TRAPPC10: variants seen among roughly 807,000 people sequenced by gnomAD.
TRAPPC10 encodes the protein TRAPP 130 kDa subunit.
A neutral mutation model predicts 125.5 loss-of-function variants in TRAPPC10; 23 were observed. That is an observed-to-expected ratio of 0.18 (90% CI 0.13 to 0.26). The LOEUF (loss-of-function observed/expected upper bound fraction) is 0.26. Ranked by LOEUF, TRAPPC10 falls within the 10% of genes least tolerant of loss-of-function variation. The pLI, the probability that TRAPPC10 is intolerant of heterozygous loss-of-function variation, is 1.00. For missense variants in TRAPPC10, 1,123 were observed against 1,308.4 expected (o/e 0.86, Z 2.19); for synonymous variants, 509 against 518.0 (o/e 0.98, Z 0.24).
intron 7 of TRAPPC10, among the ~76,000 whole-genome samples, chr21:44,064,646 G>T (rs1159534569): frequency 6.6e-6 from 1 of 152,122 alleles, no homozygotes; most frequent in Non-Finnish European, 1.5e-5. Context: ...AAGTGATTAG[G>T]TCTGAAGAGT....
chr21:44,050,866 TA>T (rs2035186191), intron 3 of TRAPPC10, among the ~76,000 whole-genome samples: 1 of 152,248 alleles, frequency 6.6e-6, no homozygotes. Flanking sequence ...TCTATTTAGT[TA>T]GTTAAACCAA....
chr21:44,061,621 AC>A (rs2036066365), intron 6 of TRAPPC10, among the ~76,000 whole-genome samples: 1 of 152,216 alleles, frequency 6.6e-6, no homozygotes, highest in African/African-American at 2.4e-5. Context: ...TTAGCAAAAA[AC>A]GTTTGAATTT....
intron 3 of TRAPPC10, among the ~76,000 whole-genome samples, chr21:44,049,719 G>C (rs1194685284): frequency 1.3e-5 from 2 of 152,166 alleles, no homozygotes; most frequent in Non-Finnish European, 2.9e-5. Flanking sequence ...GGGGCGGCCT[G>C]CTGTGCTTGC....
intron 3 of TRAPPC10, among the ~76,000 whole-genome samples, chr21:44,041,846 A>T (rs1170064017): frequency 6.6e-6 from 1 of 150,476 alleles, no homozygotes; most frequent in Non-Finnish European, 1.5e-5. Flanking sequence ...TCTGCCTCAG[A>T]CTCCCAGTAG....
At chr21:44,074,704 AC>A (rs2037145143) in intron 8 of TRAPPC10, among the ~76,000 whole-genome samples, 1 of 152,220 alleles carries the variant, frequency 6.6e-6, no homozygotes, top group African/African-American at 2.4e-5. Flanking sequence ...TTGACTCTGT[AC>A]CCTGAGTCGG....
At chr21:44,066,380 A>G (rs2036452608) in intron 7 of TRAPPC10, among the ~76,000 whole-genome samples, 1 of 151,936 alleles carries the variant, frequency 6.6e-6, no homozygotes, top group African/African-American at 2.4e-5. Flanking sequence ...AGCCTTGCGC[A>G]CTCCCTTAAT....
intron 3 of TRAPPC10, among the ~76,000 whole-genome samples, chr21:44,038,306 A>T (rs1258895346): frequency 6.6e-6 from 1 of 151,942 alleles, no homozygotes; most frequent in African/African-American, 2.4e-5. Flanking sequence ...GAGCTGTCTC[A>T]CTGTGCCCCA....
In TRAPPC10 at chr21:44,087,136, T is replaced by G. The variant is rs1032822388; in HGVS notation, c.2539+176T>G. On this transcript the variant is annotated intron_variant, in intron 16 of 22. Transcript: ENST00000291574. This position sits in a 1 kb window ranked among gnomAD's most constrained non-coding sequence, Gnocchi z 4.6. ...GCCTGTGCTGGGGTCCCATCTGAGG[T>G]GATAAACTGAGAGTGGTTCACACGC... is the stretch of plus-strand genomic sequence containing the variant. Among the ~76,000 whole-genome samples the G allele has an allele frequency of 3.9e-5, 6 of 151,990 alleles. No individual in the cohort carries two copies. The highest frequency in any genetic ancestry group is 1.5e-4 in the African/African-American group (6 of 41,376).
At chr21:44,085,553 G>A (rs978958293) in intron 15 of TRAPPC10, among the ~76,000 whole-genome samples, 4 of 152,096 alleles carry the variant, frequency 2.6e-5, no homozygotes, top group Non-Finnish European at 4.4e-5. Flanking sequence ...TTAGCTGGGT[G>A]TAGTCGTGCG....
Position 44,047,110 on chromosome 21 carries a change from A to T in TRAPPC10, c.286-5170A>T, listed in dbSNP as rs569125339. ...CTAATCAGACCCATGGCGAGATCCC[A>T]CCACCTACTCCTTCGGCGCACTGTG... is the stretch of plus-strand genomic sequence containing the variant. On this transcript the variant is annotated intron_variant, in intron 3 of 22. Transcript: ENST00000291574. 1.1e-4 allele frequency: 64 copies of T among 602,478 alleles called. No individual in the cohort carries two copies. The East Asian group carries it at 2.2e-3, about 21-fold the overall frequency. 37.3% of individuals were successfully genotyped at this position (602,478 alleles called of 1,614,324 possible). A position where few individuals can be genotyped will look rare whatever the true frequency, so the allele number is the denominator to read the frequency against.
intron 7 of TRAPPC10, among the ~76,000 whole-genome samples, chr21:44,065,502 T>C (rs17004624): frequency 0.017 from 2,636 of 152,320 alleles, 76 homozygotes; most frequent in African/African-American, 0.059. Flanking sequence ...CTTTGCACGG[T>C]TGAGTTCTGC....
rs1569155673 is a variant in TRAPPC10, at chr21:44,037,888, C to T, written c.246C>T (p.Leu82=). The part of the protein sequence containing the change: ...LLPKEGNKAL[L]TFPFLHIYWT... Reference sequence around the variant, plus strand: ...CCAAAGAAGGAAACAAAGCTCTGCTCACGTTTCCCTTCCTCCATATTTACT... The same window carrying T: ...CCAAAGAAGGAAACAAAGCTCTGCTTACGTTTCCCTTCCTCCATATTTACT... Residue 82 remains leucine, a synonymous_variant, in exon 3 of 23, where the codon CTC becomes CTT. Coordinates refer to ENST00000291574, the MANE Select transcript of TRAPPC10 (RefSeq NM_003274.5). The T allele has an allele frequency of 6.2e-7, 1 of 1,614,090 alleles. No homozygotes were observed. Among genetic ancestry groups the T allele is most frequent in the Non-Finnish European group, 8.5e-7 (1 of 1,180,032 alleles).
intron 3 of TRAPPC10, among the ~76,000 whole-genome samples, chr21:44,048,007 C>T (rs1296065705): frequency 6.6e-6 from 1 of 152,122 alleles, no homozygotes; most frequent in Non-Finnish European, 1.5e-5. Context: ...TCCTTACAGC[C>T]GAGGCAACAC....
intron 1 of TRAPPC10, among the ~76,000 whole-genome samples, chr21:44,012,888 C>T (rs2031311288): frequency 6.6e-6 from 1 of 151,988 alleles, no homozygotes; most frequent in Non-Finnish European, 1.5e-5. Flanking sequence ...CCCCGTCCCG[C>T]CCCCGTTGAG....
In TRAPPC10 at chr21:44,084,746, C is replaced by G. The variant is rs150681842; in HGVS notation, c.2380+483C>G. On this transcript the variant is annotated intron_variant, in intron 15 of 22. Coordinates refer to ENST00000291574, the MANE Select transcript of TRAPPC10 (RefSeq NM_003274.5). The stretch of plus-strand genomic sequence containing the variant: ...AGTCCCCCCCTTCCCATGCCAGCCA[C>G]CAGCCCAGGGTTCTTTTGCTTGTGC... 1.7e-3 allele frequency among the ~76,000 whole-genome samples: 253 copies of G among 152,320 alleles called. 1 individual carries two copies. Among genetic ancestry groups the G allele is most frequent in the African/African-American group, 5.9e-3 (244 of 41,568 alleles).
Position 44,092,044 on chromosome 21 carries a change from C to CAGCAGGTAAACATTGTGT in TRAPPC10, c.2995_2997+15dup. 6.2e-7 allele frequency: 1 copy of CAGCAGGTAAACATTGTGT among 1,614,034 alleles called. No homozygotes were observed. The highest frequency in any genetic ancestry group is 8.5e-7 in the Non-Finnish European group (1 of 1,179,982). ...ACTAGTACCACTGAACACGCAGTCC[C>CAGCAGGTAAACATTGTGT]AGCAGGTAAACATTGTGTAGACCTG... On this transcript the variant is annotated stop_gained and inframe_insertion, in exon 19 of 23. Transcript: ENST00000291574. LOFTEE classifies it high-confidence loss of function.
At chr21:44,045,030 G>C (rs191190954) in intron 3 of TRAPPC10, among the ~76,000 whole-genome samples, 2 of 152,176 alleles carry the variant, frequency 1.3e-5, no homozygotes, top group Admixed American at 1.3e-4. Context: ...CGCCTCCCGG[G>C]TTCAAGCGAT....
intron 2 of TRAPPC10, among the ~76,000 whole-genome samples, chr21:44,034,573 A>G (rs113412076): frequency 9.2e-5 from 14 of 152,312 alleles, no homozygotes; most frequent in Middle Eastern, 3.4e-3. Flanking sequence ...CCCCAGGGAA[A>G]AGACTACGTT....
intron 1 of TRAPPC10, among the ~76,000 whole-genome samples, chr21:44,025,054 C>G (rs577441948): frequency 7.6e-4 from 115 of 152,222 alleles, no homozygotes; most frequent in Non-Finnish European, 1.2e-3. Flanking sequence ...CCAGTCCCCT[C>G]CTGGTGGAAT....
Sources: allele counts gnomAD v4.1 joint callset (sites outside exome capture counted in the v4.1 genomes callset), GRCh38; gene constraint gnomAD v4.1.1; non-coding constraint Gnocchi (gnomAD v3.1); transcripts MANE v1.5; gene names NCBI Gene and HGNC (gene_info 2026-07-23, HGNC 2026-07-21).